Variants in DLAT observed in about 807,000 individuals in gnomAD.
DLAT encodes dihydrolipoamide S-acetyltransferase, also known as dihydrolipoyllysine-residue acetyltransferase component of pyruvate dehydrogenase complex, mitochondrial.
DLAT carries 43 observed loss-of-function variants against 68.0 expected under a neutral mutation model. The ratio of observed to expected loss-of-function variants is 0.63; its 90% CI spans 0.50 to 0.81. The LOEUF (loss-of-function observed/expected upper bound fraction) is 0.81, where lower values mean the gene tolerates loss of function less well. Among genes scored for constraint, DLAT ranks in the 40% least tolerant of loss-of-function variants. DLAT has a pLI of 0.00. For synonymous variants in DLAT, 265 were observed against 288.6 expected, an observed-to-expected ratio of 0.92 and a Z score of 0.83; for missense variants, 745 against 815.4, an observed-to-expected ratio of 0.91 and a Z score of 1.05.
intron 10 of DLAT, among the ~76,000 whole-genome samples, chr11:112,048,283 G>T (rs587749694): frequency 3.3e-5 from 5 of 152,228 alleles, no homozygotes; most frequent in African/African-American, 1.2e-4. Context: ...TGTTATTGGC[G>T]TGTAGGAATG....
chr11:112,034,983 C>G (rs1555180280), intron 5 of DLAT, among the ~76,000 whole-genome samples: 1 of 151,906 alleles, frequency 6.6e-6, no homozygotes, highest in East Asian at 1.9e-4. Context: ...CCATGTTGGC[C>G]AGGCTGGTCT....
At chr11:112,061,266 C>A (rs1304215499) in intron 13 of DLAT, 92 bp downstream of exon 13, 1 of 1,395,190 alleles carries the variant, frequency 7.2e-7, no homozygotes, top group Non-Finnish European at 1.0e-6. Flanking sequence ...GCTCCAGGAA[C>A]CCCCTCAAAT....
At chr11:112,058,171 T>C (rs1555182777) in intron 11 of DLAT, among the ~76,000 whole-genome samples, 1 of 152,222 alleles carries the variant, frequency 6.6e-6, no homozygotes, top group Non-Finnish European at 1.5e-5. Flanking sequence ...TTATTTAACA[T>C]GTACTGTTTA....
intron 2 of DLAT, 116 bp from the exon 3 acceptor site, chr11:112,028,399 A>T: frequency 8.0e-7 from 1 of 1,251,640 alleles, no homozygotes; most frequent in Non-Finnish European, 1.1e-6. Flanking sequence ...AGCCTTGGTG[A>T]CAGAATGAGA....
intron 11 of DLAT, among the ~76,000 whole-genome samples, chr11:112,059,264 C>CT (rs1446050738): frequency 6.6e-6 from 1 of 152,056 alleles, no homozygotes; most frequent in Non-Finnish European, 1.5e-5. Flanking sequence ...TTTCTTTCAG[C>CT]TGCATTCACG....
At chr11:112,038,178 A>T (rs1402316704) in intron 6 of DLAT, among the ~76,000 whole-genome samples, 1 of 151,888 alleles carries the variant, frequency 6.6e-6, no homozygotes, top group African/African-American at 2.4e-5. Flanking sequence ...GGAAGCTGGC[A>T]AGTAGCATTG....
At chr11:112,031,808 G>A (rs1039068670) in intron 4 of DLAT, among the ~76,000 whole-genome samples, 28 of 146,114 alleles carry the variant, frequency 1.9e-4, no homozygotes, top group Admixed American at 1.2e-3. Context: ...GTGAACTCCT[G>A]GGCTCAAGTG....
intron 11 of DLAT, among the ~76,000 whole-genome samples, chr11:112,055,967 A>C (rs1466755091): frequency 7.1e-6 from 1 of 140,698 alleles, no homozygotes; most frequent in African/African-American, 2.7e-5. Context: ...TCCCGGGTTC[A>C]AGCGATTCTC....
intron 4 of DLAT, 99 bp from the exon 5 acceptor site, chr11:112,033,305 A>G (rs782383194): frequency 6.3e-5 from 92 of 1,451,470 alleles, no homozygotes; most frequent in Non-Finnish European, 8.4e-5. Context: ...TTGGATTATC[A>G]TAGTCACCAT....
At chr11:112,037,487 A>C in intron 6 of DLAT, 27 bp downstream of exon 6, 1 of 1,608,446 alleles carries the variant, frequency 6.2e-7, no homozygotes, top group Non-Finnish European at 8.5e-7. Flanking sequence ...AATTCAGGAA[A>C]CACTTACCTT....
chr11:112,060,230 C>T lies in DLAT; in HGVS notation c.1677+165C>T, dbSNP rs1003096990. Among the ~76,000 whole-genome samples the T allele has an allele frequency of 2.8e-4, 40 of 140,396 alleles. 1 individual carries two copies. The highest frequency in any genetic ancestry group is 8.3e-4 in the Admixed American group (11 of 13,192). The allele number at this position is 140,396 out of a possible 152,430, so 92.1% of individuals were successfully genotyped here. ...AGGCTGGAGTGCAGTGGCATGATCT[C>T]GGCTCACTGCAAGCTCCGCCTCCTG... is the stretch of plus-strand genomic sequence containing the variant. On this transcript the variant is annotated intron_variant, in intron 12 of 13. Transcript: ENST00000280346.
At chr11:112,056,223 C>T (rs985300601) in intron 11 of DLAT, among the ~76,000 whole-genome samples, 2 of 152,122 alleles carry the variant, frequency 1.3e-5, no homozygotes, top group Non-Finnish European at 2.9e-5. Flanking sequence ...AATGTACCTG[C>T]TCTAAGTGTA....
intron 8 of DLAT, 95 bp from the exon 9 acceptor site, chr11:112,045,043 A>AG (rs1404005136): frequency 2.0e-6 from 2 of 1,018,096 alleles, no homozygotes; most frequent in Non-Finnish European, 3.1e-6. Flanking sequence ...TCAAAAGACA[A>AG]AAAAAAAAAA....
chr11:112,040,236 G>A (rs1010816110), intron 7 of DLAT, among the ~76,000 whole-genome samples: 13 of 152,136 alleles, frequency 8.5e-5, no homozygotes, highest in Non-Finnish European at 1.9e-4. Flanking sequence ...GGAATGGGGG[G>A]AAGTTATTAT....
intron 8 of DLAT, among the ~76,000 whole-genome samples, chr11:112,044,529 G>A (rs868962466): frequency 6.6e-6 from 1 of 152,060 alleles, no homozygotes; most frequent in South Asian, 2.1e-4. Context: ...ATTATTCCTT[G>A]CAACTTAAGA....
chr11:112,030,304 G>T, intron 4 of DLAT: 2 of 540,804 alleles, frequency 3.7e-6, no homozygotes, highest in South Asian at 1.4e-5. Flanking sequence ...CCAACTTCCT[G>T]ACTGCCATTG....
chr11:112,059,959 C>A lies in DLAT; in HGVS notation c.1571C>A (p.Pro524His). The stretch of plus-strand genomic sequence containing the variant: ...AGTACTCCTGCAGGACTCATCACAC[C>A]TATTGTGTTTAATGCACATATAAAA... ...AVSTPAGLIT[P>H]IVFNAHIKGV... The change falls in exon 12 of 14, where the codon CCT (proline) becomes CAT (histidine). Residue 524 changes from proline (P) to histidine (H), a missense_variant. Coordinates refer to ENST00000280346, the MANE Select transcript of DLAT (RefSeq NM_001931.5). 1.2e-6 allele frequency: 2 copies of A among 1,613,760 alleles called. No homozygotes were observed.
At chr11:112,053,715 A>C (rs1044390095) in intron 11 of DLAT, among the ~76,000 whole-genome samples, 1 of 152,198 alleles carries the variant, frequency 6.6e-6, no homozygotes, top group East Asian at 1.9e-4. Flanking sequence ...GGCCTCCCAA[A>C]GTGCTGGGAT....
intron 11 of DLAT, among the ~76,000 whole-genome samples, chr11:112,058,079 A>C (rs894313581): frequency 6.6e-6 from 1 of 152,180 alleles, no homozygotes; most frequent in African/African-American, 2.4e-5. Context: ...AGATATTTCT[A>C]TACTTAGATG....
Sources: allele counts gnomAD v4.1 joint callset (sites outside exome capture counted in the v4.1 genomes callset), GRCh38; gene constraint gnomAD v4.1.1; transcripts MANE v1.5; gene names NCBI Gene and HGNC (gene_info 2026-07-23, HGNC 2026-07-21).